Variants in ITSN2 observed in about 807,000 individuals in gnomAD.
ITSN2 encodes the protein intersectin 2.
Under a neutral mutation model 243.7 loss-of-function variants are expected in ITSN2, and 156 were observed. The observed-to-expected ratio is 0.64, with a 90% CI of 0.56 to 0.73. The LOEUF (loss-of-function observed/expected upper bound fraction) is 0.73, where lower values mean the gene tolerates loss of function less well. Among genes scored for constraint, ITSN2 ranks in the 30% least tolerant of loss-of-function variants. The pLI, the probability that ITSN2 is intolerant of heterozygous loss-of-function variation, is 0.00. For missense variants in ITSN2, 1,801 were observed against 1,996.1 expected (o/e 0.90, Z 1.86); for synonymous variants, 703 against 699.9 (o/e 1.00, Z -0.07).
At chr2:24,303,733 G>C (rs1354151772) in intron 9 of ITSN2, 66 bp downstream of exon 9, 5 of 994,008 alleles carry the variant, frequency 5.0e-6, no homozygotes, top group Non-Finnish European at 8.1e-6. Context: ...TTGTAATAGG[G>C]GAGAGAGAGT....
chr2:24,320,525 C>CAAAAAAAAA (rs113637557), intron 2 of ITSN2, among the ~76,000 whole-genome samples: 5 of 41,520 alleles, frequency 1.2e-4, no homozygotes, highest in Non-Finnish European at 2.1e-4. Context: ...GACTCCGTCT[C>CAAAAAAAAA]AAAAAAAAAA....
At chr2:24,275,639 T>C in intron 18 of ITSN2, 74 bp downstream of exon 18, 3 of 1,238,976 alleles carry the variant, frequency 2.4e-6, no homozygotes, top group African/African-American at 1.5e-5. Flanking sequence ...TAAATTTTCA[T>C]AAACTAAAGA....
rs754237682 is a variant in ITSN2, at chr2:24,312,349, C to G, written c.215G>C (p.Gly72Ala). 2.5e-6 allele frequency: 4 copies of G among 1,611,770 alleles called. No individual in the cohort carries two copies. In the East Asian group the frequency reaches 8.9e-5, roughly 36 times the overall value. The change falls in exon 5 of 40, where the codon GGG (glycine) becomes GCG (alanine). Residue 72 changes from glycine to alanine, a missense_variant. Gly to Ala is a moderately conservative substitution (Grantham distance 60, BLOSUM62 0). Transcript: ENST00000355123. Reference sequence around the variant, plus strand: ...GGAGAACTCTTGCTGATCCATCTTCCCATCCTTGTTTAGGTCTGATAAAGC... The same window carrying G: ...GGAGAACTCTTGCTGATCCATCTTCGCATCCTTGTTTAGGTCTGATAAAGC... ...IWALSDLNKD[G>A]KMDQQEFSIA...
intron 29 of ITSN2, among the ~76,000 whole-genome samples, chr2:24,224,336 T>C (rs1487105084): frequency 1.3e-5 from 2 of 152,258 alleles, no homozygotes; most frequent in African/African-American, 4.8e-5. Context: ...ATGTTTCTTC[T>C]AATAATCATT....
intron 2 of ITSN2, among the ~76,000 whole-genome samples, chr2:24,315,716 T>C (rs577796818): frequency 3.9e-5 from 6 of 152,148 alleles, no homozygotes; most frequent in African/African-American, 1.4e-4. Context: ...TGATAATGAG[T>C]GAGTTCCTCA....
chr2:24,324,218 C>T (rs942526864), intron 2 of ITSN2, among the ~76,000 whole-genome samples: 7 of 151,862 alleles, frequency 4.6e-5, no homozygotes, highest in Middle Eastern at 3.2e-3. Context: ...GGAGACAGAG[C>T]GAGACTCCGT....
At chr2:24,342,756 G>C (rs1476607837) in intron 1 of ITSN2, among the ~76,000 whole-genome samples, 1 of 151,744 alleles carries the variant, frequency 6.6e-6, no homozygotes, top group Non-Finnish European at 1.5e-5. Flanking sequence ...AGAGTAACTA[G>C]TGTGGTCTGG....
chr2:24,246,588 G>C (rs1303927743), intron 28 of ITSN2, among the ~76,000 whole-genome samples: 2 of 152,164 alleles, frequency 1.3e-5, no homozygotes, highest in African/African-American at 2.4e-5. Context: ...AGATTTCAAA[G>C]AGTCGAAGTG....
At chr2:24,220,292 G>A (rs1424524915) in intron 30 of ITSN2, 87 of 982,042 alleles carry the variant, frequency 8.9e-5, no homozygotes, top group Non-Finnish European at 1.0e-4. Context: ...TGTACACTGG[G>A]AACTGAAAGG....
intron 18 of ITSN2, among the ~76,000 whole-genome samples, chr2:24,274,160 T>C (rs1005720994): frequency 3.9e-5 from 6 of 152,234 alleles, no homozygotes; most frequent in Non-Finnish European, 8.8e-5. Context: ...AGCTCCCTTA[T>C]GTAATTAAGT....
Position 24,357,507 on chromosome 2 carries a change from C to T in ITSN2, c.-34+2797G>A, listed in dbSNP as rs552653599. The stretch of plus-strand genomic sequence containing the variant: ...CAATGAGGGAAGGGGACTTAGAGGA[C>T]GGGTGAATAGGTGCAGCAAACCACC... On this transcript the variant is annotated intron_variant, in intron 1 of 39. Transcript: ENST00000355123. 2.2e-3 allele frequency among the ~76,000 whole-genome samples: 342 copies of T among 152,062 alleles called. 1 individual carries two copies. Among genetic ancestry groups the T allele is most frequent in the Middle Eastern group, 6.8e-3 (2 of 292 alleles).
Position 24,275,769 on chromosome 2 carries a change from A to G in ITSN2, c.2025T>C (p.Ile675=). Residue 675 remains isoleucine (I), a synonymous_variant, in exon 18 of 40, where the codon ATT becomes ATC. Coordinates refer to ENST00000355123, the MANE Select transcript of ITSN2 (RefSeq NM_006277.3). ...YKIKRDKLKE[I]ERKRLELMQK... ...GCATTAGTTCTAATCTTTTCCTTTCAATTTCCTTCAACTTGTCACGTTTGA... is the reference window on the plus strand; with the variant it reads ...GCATTAGTTCTAATCTTTTCCTTTCGATTTCCTTCAACTTGTCACGTTTGA... 6.2e-7 allele frequency: 1 copy of G among 1,612,366 alleles called. No individual in the cohort carries two copies. The highest frequency in any genetic ancestry group is 8.5e-7 in the Non-Finnish European group (1 of 1,178,686).
In ITSN2 at chr2:24,310,277, T is replaced by C; in HGVS notation, c.653+7A>G. 1 of 1,584,156 alleles carries C rather than the reference T, an allele frequency of 6.3e-7. No individual in the cohort carries two copies. Among genetic ancestry groups the C allele is most frequent in the Non-Finnish European group, 8.6e-7 (1 of 1,157,720 alleles). ...CATAAAAAGTTGTCAGAGTTAGCTA[T>C]TCATACCTACTAGATCCTAAATCAA... On this transcript the variant is annotated splice_region_variant and intron_variant, in intron 7 of 39. Coordinates refer to ENST00000355123, the MANE Select transcript of ITSN2 (RefSeq NM_006277.3).
At chr2:24,251,309 C>CAAAAAAAAAATAAAAAA (rs1275035112) in intron 25 of ITSN2, among the ~76,000 whole-genome samples, 3,831 of 21,998 alleles carry the variant, frequency 0.17, 1,856 homozygotes, top group East Asian at 0.23. Flanking sequence ...AACTCCATCT[C>CAAAAAAAAAATAAAAAA]AAAAAAAAAA....
intron 18 of ITSN2, among the ~76,000 whole-genome samples, chr2:24,275,346 G>A (rs184928697): frequency 1.3e-4 from 20 of 152,262 alleles, no homozygotes; most frequent in Non-Finnish European, 2.4e-4. Flanking sequence ...GTGTCACCAC[G>A]CCCAGTTCCA....
At chr2:24,262,784 G>A (rs1246290891) in intron 20 of ITSN2, among the ~76,000 whole-genome samples, 1 of 152,082 alleles carries the variant, frequency 6.6e-6, no homozygotes, top group African/African-American at 2.4e-5. Context: ...TGTCCCATGG[G>A]AACTTCCAAG....
At chr2:24,311,357 T>C (rs1385136311) in intron 5 of ITSN2, among the ~76,000 whole-genome samples, 2 of 152,136 alleles carry the variant, frequency 1.3e-5, no homozygotes, top group Non-Finnish European at 2.9e-5. Context: ...ACTAAAATAG[T>C]GAAATAATTT....
At chr2:24,216,312 TG>T in intron 31 of ITSN2, 80 bp from the exon 32 acceptor site, 1 of 1,161,302 alleles carries the variant, frequency 8.6e-7, no homozygotes, top group South Asian at 1.8e-5. Context: ...GGCAGACCAA[TG>T]GTAATGATAA....
chr2:24,251,208 C>T (rs1200221785), intron 25 of ITSN2, among the ~76,000 whole-genome samples: 1 of 147,354 alleles, frequency 6.8e-6, no homozygotes, highest in Non-Finnish European at 1.5e-5. Flanking sequence ...GGCTGTAATC[C>T]CAGCTATTCA....
Sources: allele counts gnomAD v4.1 joint callset (sites outside exome capture counted in the v4.1 genomes callset), GRCh38; gene constraint gnomAD v4.1.1; transcripts MANE v1.5; gene names NCBI Gene and HGNC (gene_info 2026-07-23, HGNC 2026-07-21).